Variants in PARN observed in about 807,000 individuals in gnomAD.
PARN encodes poly(A)-specific ribonuclease, also known as poly(A)-specific ribonuclease PARN.
PARN carries 71 observed loss-of-function variants against 102.8 expected under a neutral mutation model. The observed-to-expected ratio is 0.69, with a 90% CI of 0.57 to 0.84. PARN has a LOEUF of 0.84. PARN is among the 40% of genes least tolerant of loss of function. The pLI, the probability that PARN is intolerant of heterozygous loss-of-function variation, is 0.00. For synonymous variants in PARN, 261 were observed against 252.9 expected (o/e 1.03, Z -0.30); for missense variants, 782 against 760.9 (o/e 1.03, Z -0.33).
At chr16:14,629,735 G>A (rs1031136843) in intron 1 of PARN, 61 bp from the exon 2 acceptor site, 1 of 1,284,966 alleles carries the variant, frequency 7.8e-7, no homozygotes, top group African/African-American at 1.5e-5. Context: ...AAGGGGAGAG[G>A]GAAGGAGGGC....
chr16:14,534,574 G>C (rs142435675), intron 21 of PARN, among the ~76,000 whole-genome samples: 2 of 151,918 alleles, frequency 1.3e-5, no homozygotes, highest in African/African-American at 4.8e-5. Flanking sequence ...ACGATCATTT[G>C]TTTCTCTTCC....
intron 5 of PARN, among the ~76,000 whole-genome samples, chr16:14,618,684 G>C (rs535477749): frequency 1.3e-5 from 2 of 151,528 alleles, no homozygotes; most frequent in Non-Finnish European, 2.9e-5. Context: ...ATATTCCACT[G>C]GGCGAACGGA....
chr16:14,445,810 C>T (rs548177689), intron 23 of PARN, among the ~76,000 whole-genome samples: 52 of 152,302 alleles, frequency 3.4e-4, no homozygotes, highest in Non-Finnish European at 6.3e-4. Context: ...GTGATCCACC[C>T]GTCTTGGCCT....
intron 5 of PARN, among the ~76,000 whole-genome samples, chr16:14,621,431 T>C (rs1201979362): frequency 1.3e-5 from 2 of 152,222 alleles, no homozygotes; most frequent in African/African-American, 2.4e-5. Context: ...ATAGTGTCAA[T>C]GTACTTAATG....
chr16:14,594,305 G>A (rs1027090165), intron 12 of PARN, among the ~76,000 whole-genome samples: 6 of 152,074 alleles, frequency 3.9e-5, no homozygotes, highest in East Asian at 1.9e-4. Flanking sequence ...TGCAATGGGC[G>A]GTGTGTCTGT....
At chr16:14,579,929 T>C (rs955467971) in intron 18 of PARN, among the ~76,000 whole-genome samples, 1 of 151,648 alleles carries the variant, frequency 6.6e-6, no homozygotes, top group African/African-American at 2.4e-5. Context: ...TGAGCTGAGA[T>C]TGTGCCACTG....
chr16:14,498,616 T>C lies in PARN; in HGVS notation c.1481-15789A>G, dbSNP rs191204201. On this transcript the variant is annotated intron_variant, in intron 21 of 23. Transcript: ENST00000437198. ...TTGAAAAAATGCCAACACCACCTCC[T>C]TGAACACCAGGCCAGCTCCTCCGTG... 1.4e-3 allele frequency among the ~76,000 whole-genome samples: 206 copies of C among 152,084 alleles called. 1 individual carries two copies. Among genetic ancestry groups the C allele is most frequent in the African/African-American group, 4.8e-3 (199 of 41,466 alleles).
intron 21 of PARN, among the ~76,000 whole-genome samples, chr16:14,531,322 A>G (rs1267157660): frequency 6.6e-6 from 1 of 151,500 alleles, no homozygotes; most frequent in African/African-American, 2.4e-5. Flanking sequence ...AGATCACACC[A>G]CCGCACTCCA....
intron 13 of PARN, among the ~76,000 whole-genome samples, chr16:14,587,290 C>A (rs1414510820): frequency 1.3e-5 from 2 of 152,104 alleles, no homozygotes; most frequent in African/African-American, 4.8e-5. Flanking sequence ...TCTCTCAATA[C>A]CACTAGAAAG....
intron 17 of PARN, among the ~76,000 whole-genome samples, chr16:14,581,145 C>G (rs1395566372): frequency 6.6e-6 from 1 of 152,052 alleles, no homozygotes; most frequent in Non-Finnish European, 1.5e-5. Context: ...TTCCACCTCC[C>G]AGATTCAAGT....
rs1971602330 is a variant in PARN at position 14,612,865 on chromosome 16, G to A, written c.389-2056C>T. On this transcript the variant is annotated intron_variant, in intron 6 of 23. Transcript: ENST00000437198. ...GCCCATCTCAGCCTCTAAAAGTGCTGAGATTACAGGCGTGAGCCACCGCGC... is the reference window on the plus strand; with the variant it reads ...GCCCATCTCAGCCTCTAAAAGTGCTAAGATTACAGGCGTGAGCCACCGCGC... Among the ~76,000 whole-genome samples the A allele has an allele frequency of 4.6e-5, 7 of 151,926 alleles. No individual in the cohort carries two copies. The South Asian group carries it at 1.5e-3, about 32-fold the overall frequency.
chr16:14,562,045 G>A (rs535226335), intron 18 of PARN, among the ~76,000 whole-genome samples: 2 of 151,998 alleles, frequency 1.3e-5, no homozygotes, highest in East Asian at 3.9e-4. Context: ...CCAGCTACTC[G>A]GGAGGCTGAG....
At chr16:14,462,996 T>C (rs1480274140) in intron 22 of PARN, among the ~76,000 whole-genome samples, 2 of 152,214 alleles carry the variant, frequency 1.3e-5, no homozygotes, top group African/African-American at 4.8e-5. Context: ...AATTCCTCGA[T>C]GATTCAGCAG....
intron 5 of PARN, among the ~76,000 whole-genome samples, chr16:14,624,982 T>A (rs1052938225): frequency 2.0e-5 from 3 of 151,452 alleles, no homozygotes; most frequent in Non-Finnish European, 4.4e-5. Flanking sequence ...CCCGGGGCTT[T>A]AGCCTGGGCA....
chr16:14,475,960 G>A (rs921355760), intron 22 of PARN, among the ~76,000 whole-genome samples: 6 of 152,118 alleles, frequency 3.9e-5, no homozygotes, highest in Admixed American at 6.5e-5. Flanking sequence ...ACAAAAGATC[G>A]CAAAGGATTG....
chr16:14,608,378 T>A, intron 8 of PARN, 59 bp from the exon 9 acceptor site: 1 of 1,067,724 alleles, frequency 9.4e-7, no homozygotes, highest in Non-Finnish European at 1.4e-6. Flanking sequence ...TCCAAACTGA[T>A]CAAGCATTTG....
chr16:14,624,732 G>A (rs1201243780), intron 5 of PARN, among the ~76,000 whole-genome samples: 3 of 151,250 alleles, frequency 2.0e-5, no homozygotes, highest in Admixed American at 6.6e-5. Context: ...CAGCCCGACC[G>A]ACATGGAGAA....
intron 18 of PARN, among the ~76,000 whole-genome samples, chr16:14,579,679 T>A (rs1244282993): frequency 6.6e-6 from 1 of 152,128 alleles, no homozygotes; most frequent in Non-Finnish European, 1.5e-5. Context: ...ACAATCATAA[T>A]TGGACCTATA....
intron 21 of PARN, among the ~76,000 whole-genome samples, chr16:14,526,491 T>C (rs1034387833): frequency 1.3e-5 from 2 of 152,190 alleles, no homozygotes; most frequent in African/African-American, 4.8e-5. Context: ...CCACTGTTTT[T>C]ACTCAGCTCC....
Sources: gnomAD v4.1 joint callset for allele counts (sites outside exome capture counted in the v4.1 genomes callset) on GRCh38, gnomAD v4.1.1 for gene constraint, MANE v1.5 for transcripts, NCBI Gene and HGNC (gene_info 2026-07-23, HGNC 2026-07-21) for gene names.